Variants in ENSA observed in about 807,000 individuals in gnomAD.
ENSA encodes the protein endosulfine alpha.
In ENSA, 7 loss-of-function variants were observed where a neutral mutation model predicts 16.8. That is an observed-to-expected ratio of 0.42 (90% CI 0.24 to 0.78). The LOEUF is 0.78. Ranked by LOEUF, ENSA falls within the 30% of genes least tolerant of loss-of-function variation. The probability of loss-of-function intolerance (pLI) is 0.29; values close to 1 mark genes in which losing one functional copy is unlikely to be tolerated. For synonymous variants in ENSA, 58 were observed against 53.4 expected, an observed-to-expected ratio of 1.09 and a Z score of -0.37; for missense variants, 87 against 142.3, an observed-to-expected ratio of 0.61 and a Z score of 1.98.
rs772494336 is a variant in ENSA, at chr1:150,627,420, A to C, written c.183+47T>G. 5 of 1,614,172 alleles carry C rather than the reference A, an allele frequency of 3.1e-6. No homozygotes were observed. The Admixed American group carries it at 6.7e-5, about 22-fold the overall frequency. On this transcript the variant is annotated intron_variant, in intron 2 of 3. Transcript: ENST00000369014. ...AACCTCTACAGACTTCATTCGAAGAACCTCCTTTAGCTCCAAAGAAAGAGG... is the reference window on the plus strand; with the variant it reads ...AACCTCTACAGACTTCATTCGAAGACCCTCCTTTAGCTCCAAAGAAAGAGG...
intron 1 of ENSA, chr1:150,629,045 T>G: frequency 6.2e-7 from 1 of 1,613,800 alleles, no homozygotes; most frequent in Non-Finnish European, 8.5e-7. Context: ...CCCAGCCCGG[T>G]TGCTGGGTCA....
chr1:150,625,031 G>A (rs1649204056), intron 3 of ENSA: 1 of 985,358 alleles, frequency 1.0e-6, no homozygotes. Context: ...TGTGAATAAT[G>A]TTCATCAATC....
In ENSA at chr1:150,626,458, C is replaced by T. The variant is rs372649778; in HGVS notation, c.184-650G>A. On this transcript the variant is annotated intron_variant, in intron 2 of 3. Coordinates refer to ENST00000369014, the MANE Select transcript of ENSA (RefSeq NM_004436.4). ...ACTAAGACTCAATAACTGGGATCCTCCACAGGGATGTTTCACCCACCATTT... is the reference window on the plus strand; with the variant it reads ...ACTAAGACTCAATAACTGGGATCCTTCACAGGGATGTTTCACCCACCATTT... 5.0e-6 allele frequency: 8 copies of T among 1,607,904 alleles called. No homozygotes were observed. The African/African-American group carries it at 1.1e-4, about 22-fold the overall frequency.
At chr1:150,627,273 G>C (rs1453803164) in intron 2 of ENSA, 194 bp downstream of exon 2, 19 of 1,542,526 alleles carry the variant, frequency 1.2e-5, no homozygotes, top group Non-Finnish European at 1.7e-5. Context: ...TTCCTACATG[G>C]GAAATCAGGA....
chr1:150,625,049 T>A (rs1649205449), intron 3 of ENSA: 1 of 985,350 alleles, frequency 1.0e-6, no homozygotes, highest in Non-Finnish European at 1.2e-6. Context: ...ATCTTTATAT[T>A]ATTTGAGAGC....
chr1:150,626,559 A>T (rs1206176266), intron 2 of ENSA: 2 of 1,601,340 alleles, frequency 1.2e-6, no homozygotes, highest in African/African-American at 1.3e-5. Flanking sequence ...TAAGGAAAAT[A>T]AAAAAATTTT....
intron 3 of ENSA, 142 bp from the exon 4 acceptor site, chr1:150,623,001 T>C (rs587603457): frequency 1.7e-6 from 2 of 1,173,356 alleles, no homozygotes; most frequent in East Asian, 5.6e-5. Context: ...GTCTCAATCC[T>C]ATCCATAAGG....
chr1:150,629,451 T>TC lies in ENSA; in HGVS notation c.19dup (p.Glu7GlyfsTer24), dbSNP rs763878282. The stretch of plus-strand genomic sequence containing the variant: ...GCCGGTCTCCTCCGCAGGGTTCTCT[T>TC]CTTCTTGTTTCTGGGACATGGCGGG... On this transcript the variant is annotated frameshift_variant, in exon 1 of 4. Transcript: ENST00000369014. LOFTEE classifies it high-confidence loss of function. 1.2e-6 allele frequency: 2 copies of TC among 1,613,778 alleles called. No individual in the cohort carries two copies. Among genetic ancestry groups the TC allele is most frequent in the Non-Finnish European group, 1.7e-6 (2 of 1,179,818 alleles).
At chr1:150,627,243 G>A (rs2101746608) in intron 2 of ENSA, 2 of 1,521,354 alleles carry the variant, frequency 1.3e-6, no homozygotes, top group East Asian at 2.3e-5. Context: ...ACACCCAAAT[G>A]CTCCAATTTA....
In ENSA at chr1:150,626,608, G is replaced by A. The variant is rs929093827; in HGVS notation, c.184-800C>T. On this transcript the variant is annotated intron_variant, in intron 2 of 3. Coordinates refer to ENST00000369014, the MANE Select transcript of ENSA (RefSeq NM_004436.4). ...GCCTCGCTATGTTGCCCAGGCTGGA[G>A]TGCAGTGGCACGATCTCGGCTCACT... 38 of 1,036,094 alleles carry A rather than the reference G, an allele frequency of 3.7e-5. No individual in the cohort carries two copies. The African/African-American group carries it at 5.9e-4, about 16-fold the overall frequency. The allele number at this position is 1,036,094 out of a possible 1,614,324, so 64.2% of individuals were successfully genotyped here.
chr1:150,622,835 C>CG lies in ENSA; in HGVS notation c.*8dup. 6.5e-7 allele frequency: 1 copy of CG among 1,532,132 alleles called. No individual in the cohort carries two copies. Among genetic ancestry groups the CG allele is most frequent in the Non-Finnish European group, 8.8e-7 (1 of 1,136,000 alleles). The allele number at this position is 1,532,132 out of a possible 1,614,324, so 94.9% of individuals were successfully genotyped here. A position where few individuals can be genotyped will look rare whatever the true frequency, so the allele number is the denominator to read the frequency against. On this transcript the variant is annotated 3_prime_UTR_variant, in exon 4 of 4. Coordinates refer to ENST00000369014, the MANE Select transcript of ENSA (RefSeq NM_004436.4). ...AGCGTCTCAGGATCTGGCAGAGCCC[C>CG]GGGCAGCATCATTCAACTTGGCCAC...
intron 1 of ENSA, 117 bp from the exon 2 acceptor site, chr1:150,627,709 A>C (rs1435424855): frequency 5.8e-6 from 6 of 1,030,466 alleles, no homozygotes; most frequent in South Asian, 3.3e-5. Flanking sequence ...TAAATACGCT[A>C]TCTCTACTCT....
At chr1:150,624,856 A>T (rs753418823) in intron 3 of ENSA, 49 of 974,540 alleles carry the variant, frequency 5.0e-5, no homozygotes, top group Admixed American at 2.5e-4. Context: ...GGAAATAGAA[A>T]TCCAGAGAGG....
rs768605869 is a variant in ENSA at position 150,629,145 on chromosome 1, G to C, written c.57+269C>G. On this transcript the variant is annotated intron_variant, in intron 1 of 3. Transcript: ENST00000369014. Reference sequence around the variant, plus strand: ...CCGTCTTTCCAACCACCCGCCCCACGTCCATGCTCGGCCAATTATAGCACA... The same window carrying C: ...CCGTCTTTCCAACCACCCGCCCCACCTCCATGCTCGGCCAATTATAGCACA... 1.6e-5 allele frequency: 26 copies of C among 1,613,810 alleles called. 1 individual carries two copies. In the Admixed American group the frequency reaches 4.3e-4, roughly 27 times the overall value.
At chr1:150,627,414 C>T (rs772214484) in intron 2 of ENSA, 53 bp downstream of exon 2, 198 of 1,614,062 alleles carry the variant, frequency 1.2e-4, no homozygotes, top group Non-Finnish European at 1.6e-4. Flanking sequence ...AGACTTCATT[C>T]GAAGAACCTC....
At chr1:150,624,626 G>C (rs1282444289) in intron 3 of ENSA, 2 of 985,482 alleles carry the variant, frequency 2.0e-6, no homozygotes, top group Admixed American at 6.2e-5. Context: ...TCTCTTGCCT[G>C]AATTTATAAT....
At position 150,626,419 on chromosome 1, in the gene ENSA, C is replaced by T. The variant is rs1649313062; in HGVS notation, c.184-611G>A. On this transcript the variant is annotated intron_variant, in intron 2 of 3. Coordinates refer to ENST00000369014, the MANE Select transcript of ENSA (RefSeq NM_004436.4). ...GCAAGGTAAATGCAAATCAGCATCA[C>T]ATTATCATCTGTGACTAAGACTCAA... 35 of 1,528,118 alleles carry T rather than the reference C, an allele frequency of 2.3e-5. No homozygotes were observed. In the South Asian group the frequency reaches 3.6e-4, roughly 16 times the overall value. 94.7% of individuals were successfully genotyped at this position (1,528,118 alleles called of 1,614,324 possible). A position where few individuals can be genotyped will look rare whatever the true frequency, so the allele number is the denominator to read the frequency against.
At chr1:150,627,417 A>G (rs746320151) in intron 2 of ENSA, 50 bp downstream of exon 2, 1 of 1,614,256 alleles carries the variant, frequency 6.2e-7, no homozygotes, top group Non-Finnish European at 8.5e-7. Flanking sequence ...CTTCATTCGA[A>G]GAACCTCCTT....
intron 3 of ENSA, chr1:150,624,593 C>T (rs961874624): frequency 3.0e-6 from 3 of 985,652 alleles, no homozygotes; most frequent in Non-Finnish European, 3.6e-6. Flanking sequence ...TTTTGACCCT[C>T]AAGACTGTGA....
Sources: allele counts gnomAD v4.1 joint callset, GRCh38; gene constraint gnomAD v4.1.1; transcripts MANE v1.5; gene names NCBI Gene and HGNC (gene_info 2026-07-23, HGNC 2026-07-21).